Variants in GAPVD1 observed in about 807,000 individuals in gnomAD.
GAPVD1 encodes GTPase-activating protein and VPS9 domain-containing protein 1.
GAPVD1 carries 35 observed loss-of-function variants against 155.5 expected under a neutral mutation model. That is an observed-to-expected ratio of 0.23 (90% CI 0.17 to 0.30). GAPVD1 has a LOEUF of 0.30. GAPVD1 is among the 10% of genes least tolerant of loss of function. GAPVD1 has a pLI of 1.00. For synonymous variants in GAPVD1, 636 were observed against 619.7 expected, an observed-to-expected ratio of 1.03 and a Z score of -0.39; for missense variants, 1,429 against 1,775.7, an observed-to-expected ratio of 0.80 and a Z score of 3.51.
chr9:125,352,253 G>C (rs962574417), intron 23 of GAPVD1, among the ~76,000 whole-genome samples: 2 of 152,218 alleles, frequency 1.3e-5, no homozygotes, highest in South Asian at 4.1e-4. Flanking sequence ...CTTTGTGGGG[G>C]CTCCGATCCC....
chr9:125,265,311 C>T (rs530544824), intron 1 of GAPVD1, among the ~76,000 whole-genome samples: 1 of 151,954 alleles, frequency 6.6e-6, no homozygotes, highest in Non-Finnish European at 1.5e-5. Flanking sequence ...CTGCATTGCC[C>T]AGGCTGGACT....
chr9:125,287,720 C>T (rs984837605), intron 2 of GAPVD1: 1 of 152,002 alleles, frequency 6.6e-6, no homozygotes, highest in African/African-American at 2.4e-5. Flanking sequence ...CTTTAAGTCA[C>T]TTATTTATTT....
intron 11 of GAPVD1, among the ~76,000 whole-genome samples, chr9:125,324,520 CGGA>C (rs1387263044): frequency 6.6e-6 from 1 of 151,894 alleles, no homozygotes; most frequent in African/African-American, 2.4e-5. Context: ...ACCCAGGAGG[CGGA>C]GGTTGCGGTG....
chr9:125,281,676 T>C (rs912971417), intron 2 of GAPVD1, among the ~76,000 whole-genome samples: 6 of 152,224 alleles, frequency 3.9e-5, no homozygotes, highest in Non-Finnish European at 1.5e-5. Flanking sequence ...AGTGTCCTTT[T>C]TCTGTTCAGG....
At chr9:125,292,355 A>G (rs1000419010) in intron 2 of GAPVD1, among the ~76,000 whole-genome samples, 2 of 152,112 alleles carry the variant, frequency 1.3e-5, no homozygotes, top group Admixed American at 6.6e-5. Flanking sequence ...TGACATGAAC[A>G]GAAATAAAGG....
chr9:125,266,709 C>T (rs1834032804), intron 1 of GAPVD1, among the ~76,000 whole-genome samples: 1 of 152,094 alleles, frequency 6.6e-6, no homozygotes, highest in South Asian at 2.1e-4. Context: ...AATATACGTG[C>T]TAAATTATTA....
intron 2 of GAPVD1, among the ~76,000 whole-genome samples, chr9:125,278,910 A>T (rs763401578): frequency 4.9e-4 from 75 of 151,786 alleles, no homozygotes; most frequent in Non-Finnish European, 9.4e-4. Context: ...ATAGCAGGTC[A>T]TTTTAAAAAT....
At chr9:125,312,017 A>G (rs1357904243) in intron 8 of GAPVD1, among the ~76,000 whole-genome samples, 1 of 152,006 alleles carries the variant, frequency 6.6e-6, no homozygotes, top group African/African-American at 2.4e-5. Flanking sequence ...CTCATATGAA[A>G]TTTTCTAATG....
chr9:125,281,233 A>G (rs1259139307), intron 2 of GAPVD1, among the ~76,000 whole-genome samples: 1 of 151,988 alleles, frequency 6.6e-6, no homozygotes, highest in African/African-American at 2.4e-5. Context: ...AGTTTGTATA[A>G]TTTTTTTTAC....
chr9:125,309,915 C>A (rs1397915072), intron 8 of GAPVD1: 1 of 456,032 alleles, frequency 2.2e-6, no homozygotes. Context: ...CTATTTAATG[C>A]TTTTGCAACC....
intron 10 of GAPVD1, among the ~76,000 whole-genome samples, chr9:125,322,829 G>T (rs974268187): frequency 2.0e-4 from 31 of 151,940 alleles, no homozygotes; most frequent in Non-Finnish European, 5.9e-5. Context: ...GAGGTGGGTG[G>T]ATTCACTGAG....
At chr9:125,330,318 T>C in intron 13 of GAPVD1, 100 bp downstream of exon 13, 5 of 186,278 alleles carry the variant, frequency 2.7e-5, no homozygotes, top group Admixed American at 1.3e-4. Flanking sequence ...TCAAATACAC[T>C]TTTTTTTTTT....
intron 10 of GAPVD1, among the ~76,000 whole-genome samples, chr9:125,322,871 G>C (rs976352260): frequency 1.3e-5 from 2 of 151,726 alleles, no homozygotes; most frequent in African/African-American, 4.8e-5. Flanking sequence ...TGGGCAACAC[G>C]GTGAAACCCC....
intron 12 of GAPVD1, 22 bp downstream of exon 12, chr9:125,326,611 T>C: frequency 3.9e-6 from 6 of 1,558,278 alleles, no homozygotes; most frequent in Admixed American, 1.7e-5. Flanking sequence ...TTAATGTCTC[T>C]GAAATATCAC....
At chr9:125,334,592 A>C (rs1239507433) in intron 15 of GAPVD1, among the ~76,000 whole-genome samples, 1 of 152,160 alleles carries the variant, frequency 6.6e-6, no homozygotes, top group African/African-American at 2.4e-5. Flanking sequence ...GGTATTTGGC[A>C]GACATCTCAA....
At chr9:125,349,884 G>A (rs985994926) in intron 21 of GAPVD1, among the ~76,000 whole-genome samples, 2 of 152,030 alleles carry the variant, frequency 1.3e-5, no homozygotes, top group African/African-American at 4.8e-5. Flanking sequence ...TTCTTGTCAG[G>A]TAGTGAGCTT....
chr9:125,356,995 C>T (rs1177233348), intron 25 of GAPVD1, among the ~76,000 whole-genome samples: 2 of 152,002 alleles, frequency 1.3e-5, no homozygotes, highest in East Asian at 3.9e-4. Flanking sequence ...TTTGTAGAGA[C>T]GAGGTCTTGC....
At chr9:125,275,991 G>A (rs1835722068) in intron 2 of GAPVD1, among the ~76,000 whole-genome samples, 1 of 152,126 alleles carries the variant, frequency 6.6e-6, no homozygotes, top group Non-Finnish European at 1.5e-5. Context: ...TATTTTTGTA[G>A]TTATTCTGTC....
At chr9:125,353,762 C>T (rs746961109) in intron 23 of GAPVD1, among the ~76,000 whole-genome samples, 19 of 152,128 alleles carry the variant, frequency 1.2e-4, no homozygotes, top group African/African-American at 1.7e-4. Flanking sequence ...CTTAGTATCA[C>T]GAGAACAGCA....
Sources: gnomAD v4.1 joint callset for allele counts (sites outside exome capture counted in the v4.1 genomes callset) on GRCh38, gnomAD v4.1.1 for gene constraint, MANE v1.5 for transcripts, NCBI Gene and HGNC (gene_info 2026-07-23, HGNC 2026-07-21) for gene names.